PAPLN: variants seen among roughly 807,000 people sequenced by gnomAD.
PAPLN encodes papilin, proteoglycan like sulfated glycoprotein, also known as papilin.
Under a neutral mutation model 159.0 loss-of-function variants are expected in PAPLN, and 146 were observed. The observed-to-expected ratio is 0.92, with a 90% confidence interval of 0.80 to 1.05. The LOEUF is 1.05. PAPLN is among the 50% of genes least tolerant of loss of function. The pLI is 0.00. For synonymous variants in PAPLN, 734 were observed against 702.9 expected, an observed-to-expected ratio of 1.04 and a Z score of -0.70; for missense variants, 1,720 against 1,743.9, an observed-to-expected ratio of 0.99 and a Z score of 0.24.
intron 19 of PAPLN, chr14:73,263,166 A>G: frequency 5.9e-6 from 2 of 339,916 alleles, no homozygotes; most frequent in Non-Finnish European, 1.1e-5. Flanking sequence ...TCCAAGCCTC[A>G]GTTTCTTGAC....
chr14:73,248,019 TGTGTGTGTGTTGGGATTGTG>T (rs1884751500), intron 5 of PAPLN, among the ~76,000 whole-genome samples: 2 of 79,654 alleles, frequency 2.5e-5, no homozygotes, highest in South Asian at 5.0e-4. Context: ...TGTGTGTGTG[TGTGTGTGTGTTGGGATTGTG>T]GCTGTGGGTG....
upstream of PAPLN, among the ~76,000 whole-genome samples, chr14:73,236,689 G>A (rs1883049750): frequency 6.6e-6 from 1 of 151,894 alleles, no homozygotes; most frequent in Non-Finnish European, 1.5e-5. Context: ...TCATACAGAC[G>A]CCTGTAATCC....
rs765947903 is a variant in PAPLN at position 73,251,467 on chromosome 14, C to A, written c.590-19C>A. 3.1e-6 allele frequency: 5 copies of A among 1,600,806 alleles called. No homozygotes were observed. The highest frequency in any genetic ancestry group is 8.5e-7 in the Non-Finnish European group (1 of 1,179,152). On this transcript the variant is annotated intron_variant, in intron 7 of 26. Transcript: ENST00000644200. ...GAGGGATAGCCCAGCACACCCAGCA[C>A]CTGCGTCTCTGCCCCCAGGCTACAA... is the stretch of plus-strand genomic sequence containing the variant.
chr14:73,260,713 G>A lies in PAPLN; in HGVS notation c.1990G>A (p.Gly664Arg), dbSNP rs911574354. Reference sequence around the variant, plus strand: ...GGCTGTGTGATGTCTGCCTAGGTACGGGTGCTGCCCTGACAGGGTATCTGT... The same window carrying A: ...GGCTGTGTGATGTCTGCCTAGGTACAGGTGCTGCCCTGACAGGGTATCTGT... ...PGAPCQQSRY[G>R]CCPDRVSVAE... is the part of the protein sequence containing the mutation. The change falls in exon 17 of 27, where the codon GGG becomes AGG. Residue 664 changes from glycine (G) to arginine (R), a missense_variant. Coordinates refer to ENST00000644200, the MANE Select transcript of PAPLN (RefSeq NM_001365906.3). The A allele has an allele frequency of 2.1e-6, 3 of 1,463,178 alleles. No homozygotes were observed. Among genetic ancestry groups the A allele is most frequent in the African/African-American group, 1.5e-5 (1 of 68,710 alleles). The allele number at this position is 1,463,178 out of a possible 1,614,324, so 90.6% of individuals were successfully genotyped here. A position where few individuals can be genotyped will look rare whatever the true frequency, so the allele number is the denominator to read the frequency against.
At chr14:73,238,251 C>A (rs1033587374) in intron 1 of PAPLN, among the ~76,000 whole-genome samples, 1 of 152,236 alleles carries the variant, frequency 6.6e-6, no homozygotes, top group Non-Finnish European at 1.5e-5. Flanking sequence ...TCGCCGCCTT[C>A]GGCCCTAGCT....
chr14:73,263,952 C>T lies in PAPLN; in HGVS notation c.2861+170C>T, dbSNP rs749597699. The T allele has an allele frequency of 2.8e-5, 38 of 1,357,400 alleles. No individual in the cohort carries two copies. In the East Asian group the frequency reaches 6.6e-4, roughly 24 times the overall value. The allele number at this position is 1,357,400 out of a possible 1,614,324, so 84.1% of individuals were successfully genotyped here. On this transcript the variant is annotated intron_variant, in intron 20 of 26. Transcript: ENST00000644200. ...TACCCCCTCTGACAGGTGTGTGTGA[C>T]GGCCCCCCGACCTCCTCTGACAGGT...
At chr14:73,257,194 TCTC>T (rs1405083279) in intron 14 of PAPLN, among the ~76,000 whole-genome samples, 2 of 152,156 alleles carry the variant, frequency 1.3e-5, no homozygotes, top group Non-Finnish European at 2.9e-5. Flanking sequence ...CCGGTCTTCA[TCTC>T]CTGGGCTCAG....
rs1886685719 is a variant in PAPLN at position 73,262,422 on chromosome 14, T to C, written c.2318T>C (p.Val773Ala). ...GACTGGGCTGCCCGCTGGTACTTCG[T>C]TGCCTCTGTGGGCCAATGTAACCGC... Reference protein sequence around the residue: ...CADWAARWYFVASVGQCNRFW... With the variant: ...CADWAARWYFAASVGQCNRFW... Residue 773 changes from valine (V) to alanine (A), a missense_variant, in exon 19 of 27, where the codon GTT becomes GCT. Transcript: ENST00000644200. The C allele has an allele frequency of 3.1e-6, 5 of 1,614,028 alleles. No individual in the cohort carries two copies. Among genetic ancestry groups the C allele is most frequent in the Non-Finnish European group, 4.2e-6 (5 of 1,179,950 alleles).
chr14:73,253,721 G>T (rs1885570781), intron 11 of PAPLN, 33 bp from the exon 12 acceptor site: 1 of 1,556,066 alleles, frequency 6.4e-7, no homozygotes, highest in Admixed American at 1.8e-5. Flanking sequence ...CCATGCTCCT[G>T]GGCCAGCCTT....
At chr14:73,270,231 T>A (rs1887594798) in intron 26 of PAPLN, among the ~76,000 whole-genome samples, 1 of 151,940 alleles carries the variant, frequency 6.6e-6, no homozygotes, top group South Asian at 2.1e-4. Context: ...CTGACCCGGA[T>A]CCCGCACTCG....
intron 5 of PAPLN, 113 bp downstream of exon 5, chr14:73,246,288 G>A (rs1027193654): frequency 2.2e-6 from 2 of 915,938 alleles, no homozygotes; most frequent in Non-Finnish European, 3.1e-6. Context: ...ATTAGAGACA[G>A]TCTCACTGTG....
At position 73,245,384 on chromosome 14, in the gene PAPLN, G is replaced by C. The variant is rs140442571; in HGVS notation, c.171-252G>C. 3.8e-6 allele frequency: 2 copies of C among 533,296 alleles called. No individual in the cohort carries two copies. The highest frequency in any genetic ancestry group is 6.4e-5 in the East Asian group (2 of 31,354). 33.0% of individuals were successfully genotyped at this position (533,296 alleles called of 1,614,324 possible). A position where few individuals can be genotyped will look rare whatever the true frequency, so the allele number is the denominator to read the frequency against. On this transcript the variant is annotated intron_variant, in intron 3 of 26. Coordinates refer to ENST00000644200, the MANE Select transcript of PAPLN (RefSeq NM_001365906.3). The surrounding 1 kb of genome is among the most constrained non-coding windows in gnomAD (Gnocchi z 4.2). ...GGGTCTTCTCTGGGAATCTGCCTAA[G>C]ATGCAGTGGAGTGGTCCCGCCTTAA...
At chr14:73,263,994 C>T (rs1457417713) in intron 20 of PAPLN, 84 of 1,497,032 alleles carry the variant, frequency 5.6e-5, no homozygotes, top group Middle Eastern at 1.7e-4. Flanking sequence ...GACAGCCCCC[C>T]GACCTCCTCT....
At chr14:73,264,123 C>T (rs1886948172) in intron 20 of PAPLN, 88 bp from the exon 21 acceptor site, 1 of 1,600,162 alleles carries the variant, frequency 6.2e-7, no homozygotes, top group African/African-American at 1.3e-5. Context: ...ACTCTGGTCC[C>T]CTCTGGCACG....
At chr14:73,269,680 ACG>A (rs1887528147) in intron 26 of PAPLN, among the ~76,000 whole-genome samples, 1 of 152,190 alleles carries the variant, frequency 6.6e-6, no homozygotes, top group African/African-American at 2.4e-5. Context: ...GTTCTTGTTC[ACG>A]GAGGGACTGA....
chr14:73,269,246 G>A (rs189635078), intron 26 of PAPLN, among the ~76,000 whole-genome samples: 4 of 151,732 alleles, frequency 2.6e-5, no homozygotes, highest in East Asian at 3.9e-4. Context: ...CGGTCACACC[G>A]CAAATGTGGC....
At chr14:73,260,160 T>C (rs553174881) in intron 16 of PAPLN, among the ~76,000 whole-genome samples, 1 of 152,242 alleles carries the variant, frequency 6.6e-6, no homozygotes, top group South Asian at 2.1e-4. Context: ...CTCTCTGATT[T>C]TGGGTTCCTC....
chr14:73,264,144 C>G, intron 20 of PAPLN, 67 bp from the exon 21 acceptor site: 3 of 1,605,184 alleles, frequency 1.9e-6, no homozygotes, highest in Non-Finnish European at 2.5e-6. Context: ...AGCACCGAGG[C>G]GGAGGGAAGA....
intron 25 of PAPLN, chr14:73,268,326 A>G (rs1306131105): frequency 2.2e-6 from 1 of 460,950 alleles, no homozygotes; most frequent in Non-Finnish European, 3.8e-6. Context: ...GCAGAAAACA[A>G]CCTCGCCATT....
Sources: gnomAD v4.1 joint callset for allele counts (sites outside exome capture counted in the v4.1 genomes callset) on GRCh38, gnomAD v4.1.1 for gene constraint, Gnocchi (gnomAD v3.1) non-coding constraint, MANE v1.5 for transcripts, NCBI Gene and HGNC (gene_info 2026-07-23, HGNC 2026-07-21) for gene names.